Variants in CTNNA3 observed in about 807,000 individuals in gnomAD.
CTNNA3 encodes catenin alpha 3.
A neutral mutation model predicts 95.7 loss-of-function variants in CTNNA3; 76 were observed. That is an observed-to-expected ratio of 0.79 (90% CI 0.66 to 0.96). The LOEUF (loss-of-function observed/expected upper bound fraction) is 0.96. Among genes scored for constraint, CTNNA3 ranks in the 40% least tolerant of loss-of-function variants. The pLI, the probability that CTNNA3 is intolerant of heterozygous loss-of-function variation, is 0.00. For synonymous variants in CTNNA3, 431 were observed against 374.4 expected, an observed-to-expected ratio of 1.15 and a Z score of -1.74; for missense variants, 1,191 against 1,089.8, an observed-to-expected ratio of 1.09 and a Z score of -1.31.
intron 3 of CTNNA3, among the ~76,000 whole-genome samples, chr10:67,595,167 C>A (rs1470513213): frequency 6.6e-6 from 1 of 152,212 alleles, no homozygotes; most frequent in East Asian, 1.9e-4. Flanking sequence ...TATTTCTTTT[C>A]TTCCATTAAC....
chr10:66,415,860 G>C (rs2093141768), intron 11 of CTNNA3, among the ~76,000 whole-genome samples: 1 of 152,130 alleles, frequency 6.6e-6, no homozygotes. Flanking sequence ...CCCTGTGAAA[G>C]CAAATTGAAA....
chr10:66,701,752 C>A (rs538145732), intron 9 of CTNNA3, among the ~76,000 whole-genome samples: 2 of 152,124 alleles, frequency 1.3e-5, no homozygotes, highest in South Asian at 4.1e-4. Context: ...GGTTGAATAA[C>A]CCTATCCAAT....
At chr10:66,597,951 C>T (rs188890286) in intron 10 of CTNNA3, among the ~76,000 whole-genome samples, 2 of 151,934 alleles carry the variant, frequency 1.3e-5, no homozygotes, top group African/African-American at 2.4e-5. Flanking sequence ...CACTATTACA[C>T]CGCTATTAGA....
At chr10:66,413,684 CTT>C (rs1442664182) in intron 11 of CTNNA3, among the ~76,000 whole-genome samples, 1 of 152,134 alleles carries the variant, frequency 6.6e-6, no homozygotes, top group Non-Finnish European at 1.5e-5. Flanking sequence ...TCTCAGGAGT[CTT>C]AATATTTCCT....
At chr10:66,081,216 G>C (rs1035037039) in intron 14 of CTNNA3, among the ~76,000 whole-genome samples, 20 of 152,160 alleles carry the variant, frequency 1.3e-4, no homozygotes, top group Admixed American at 7.9e-4. Flanking sequence ...CCTGACACTG[G>C]CAAGTAGAAT....
chr10:67,088,496 C>T (rs1312199664), intron 7 of CTNNA3, among the ~76,000 whole-genome samples: 3 of 151,716 alleles, frequency 2.0e-5, no homozygotes, highest in South Asian at 4.2e-4. Context: ...ATAAACGGTG[C>T]CTGCATTACA....
intron 10 of CTNNA3, among the ~76,000 whole-genome samples, chr10:66,541,932 A>G (rs548686994): frequency 7.2e-5 from 11 of 152,304 alleles, no homozygotes; most frequent in African/African-American, 2.4e-4. Context: ...AAAAGAAACT[A>G]CCATCAGAGT....
intron 7 of CTNNA3, among the ~76,000 whole-genome samples, chr10:66,888,099 A>G (rs1311203579): frequency 2.6e-5 from 4 of 152,162 alleles, no homozygotes; most frequent in Non-Finnish European, 4.4e-5. Flanking sequence ...CTGTGGTCAG[A>G]GAAAGATGTG....
At chr10:66,602,045 A>C (rs2132260012) in intron 10 of CTNNA3, among the ~76,000 whole-genome samples, 1 of 152,100 alleles carries the variant, frequency 6.6e-6, no homozygotes, top group African/African-American at 2.4e-5. Flanking sequence ...CAGTTATAGA[A>C]CTACAATTTG....
At position 67,309,311 on chromosome 10, in the gene CTNNA3, A is replaced by G. The variant is rs971246107; in HGVS notation, c.580-89441T>C. On this transcript the variant is annotated intron_variant, in intron 5 of 17. Transcript: ENST00000433211. Reference sequence around the variant, plus strand: ...ACTACTCACTCACCATCATCAAGTGAAATACTATGTCATCTTACAGCAGCA... The same window carrying G: ...ACTACTCACTCACCATCATCAAGTGGAATACTATGTCATCTTACAGCAGCA... Among the ~76,000 whole-genome samples the G allele has an allele frequency of 5.9e-5, 9 of 152,334 alleles. No individual in the cohort carries two copies. In the East Asian group the frequency reaches 1.7e-3, roughly 29 times the overall value.
intron 13 of CTNNA3, among the ~76,000 whole-genome samples, chr10:66,120,596 G>C (rs2082535213): frequency 6.6e-6 from 1 of 152,020 alleles, no homozygotes; most frequent in African/African-American, 2.4e-5. Context: ...AATTTTTAAA[G>C]CATTATGATT....
chr10:67,070,546 A>G (rs1004536601), intron 7 of CTNNA3, among the ~76,000 whole-genome samples: 4 of 152,074 alleles, frequency 2.6e-5, no homozygotes, highest in African/African-American at 9.7e-5. Flanking sequence ...CCGGAGATCG[A>G]GACCATCTTG....
intron 7 of CTNNA3, among the ~76,000 whole-genome samples, chr10:66,860,737 T>A (rs1843885767): frequency 6.6e-6 from 1 of 152,246 alleles, no homozygotes; most frequent in African/African-American, 2.4e-5. Context: ...ATTATTTGTT[T>A]ACACTGAGAG....
intron 5 of CTNNA3, among the ~76,000 whole-genome samples, chr10:67,349,482 A>G (rs1303617287): frequency 6.6e-6 from 1 of 152,194 alleles, no homozygotes. Context: ...TTCCACCTAT[A>G]TGAAGTATCG....
rs1409757614 is a variant in CTNNA3 at position 66,332,402 on chromosome 10, T to A, written c.1732+46750A>T. Among the ~76,000 whole-genome samples the A allele has an allele frequency of 0.033, 4 of 120 alleles. No homozygotes were observed. In the South Asian group the frequency reaches 0.4, roughly 12 times the overall value. 0.1% of individuals were successfully genotyped at this position (120 alleles called of 152,430 possible). A position where few individuals can be genotyped will look rare whatever the true frequency, so the allele number is the denominator to read the frequency against. Reference sequence around the variant, plus strand: ...TGGGTTTGTCATAGATACCTCTTTTTATTTTGAGATAATTTATTGAGAGTT... The same window carrying A: ...TGGGTTTGTCATAGATACCTCTTTTAATTTTGAGATAATTTATTGAGAGTT... On this transcript the variant is annotated intron_variant, in intron 12 of 17. Coordinates refer to ENST00000433211, the MANE Select transcript of CTNNA3 (RefSeq NM_013266.4).
intron 5 of CTNNA3, among the ~76,000 whole-genome samples, chr10:67,481,267 G>A (rs1848216243): frequency 6.6e-6 from 1 of 152,154 alleles, no homozygotes; most frequent in Admixed American, 6.5e-5. Context: ...AGTACTGGAA[G>A]TTCTAGCTGC....
intron 15 of CTNNA3, among the ~76,000 whole-genome samples, chr10:66,026,787 A>T (rs2079348993): frequency 6.6e-6 from 1 of 152,198 alleles, no homozygotes; most frequent in South Asian, 2.1e-4. Flanking sequence ...TTGAAGTCGC[A>T]CAATAAATGA....
At chr10:66,797,659 T>C (rs1224116796) in intron 7 of CTNNA3, among the ~76,000 whole-genome samples, 1 of 151,934 alleles carries the variant, frequency 6.6e-6, no homozygotes, top group African/African-American at 2.4e-5. Context: ...TTGCTGTTTT[T>C]AAAGGAGAGC....
chr10:66,079,941 G>A (rs2080690068), intron 14 of CTNNA3, among the ~76,000 whole-genome samples: 1 of 151,812 alleles, frequency 6.6e-6, no homozygotes, highest in South Asian at 2.1e-4. Flanking sequence ...TTTTTAAAAA[G>A]GTAAAATAAA....
Sources: gnomAD v4.1 joint callset for allele counts (sites outside exome capture counted in the v4.1 genomes callset) on GRCh38, gnomAD v4.1.1 for gene constraint, MANE v1.5 for transcripts, NCBI Gene and HGNC (gene_info 2026-07-23, HGNC 2026-07-21) for gene names.